The following CALN1 variants were observed in gnomAD, a reference collection of about 807,000 sequenced individuals.
CALN1 encodes the protein calneuron 1.
A neutral mutation model predicts 30.6 loss-of-function variants in CALN1; 17 were observed. The observed-to-expected ratio is 0.56, with a 90% CI of 0.38 to 0.83. CALN1 has a LOEUF of 0.83. Among genes scored for constraint, CALN1 ranks in the 40% least tolerant of loss-of-function variants. The probability of loss-of-function intolerance (pLI) is 0.00; values close to 1 mark genes in which losing one functional copy is unlikely to be tolerated. For synonymous variants in CALN1, 156 were observed against 131.4 expected (o/e 1.19, Z -1.28); for missense variants, 291 against 354.9 (o/e 0.82, Z 1.45).
intron 5 of CALN1, among the ~76,000 whole-genome samples, chr7:71,891,319 A>G (rs1411581460): frequency 6.6e-6 from 1 of 152,188 alleles, no homozygotes; most frequent in African/African-American, 2.4e-5. Context: ...AAGATTCTGG[A>G]TACCTGCTTC....
intron 1 of CALN1, among the ~76,000 whole-genome samples, chr7:72,444,003 T>G (rs1037358027): frequency 2.7e-5 from 4 of 147,140 alleles, no homozygotes; most frequent in African/African-American, 1.0e-4. Flanking sequence ...AGACTCTGTC[T>G]CAAAAACTAA....
At chr7:72,116,544 G>A (rs1361445060) in intron 3 of CALN1, among the ~76,000 whole-genome samples, 2 of 152,198 alleles carry the variant, frequency 1.3e-5, no homozygotes, top group African/African-American at 4.8e-5. Flanking sequence ...TACGGAAGCA[G>A]GAGGGGACTG....
intron 5 of CALN1, among the ~76,000 whole-genome samples, chr7:71,857,886 C>T (rs1196041937): frequency 7.9e-5 from 12 of 152,174 alleles, no homozygotes; most frequent in African/African-American, 9.7e-5. Flanking sequence ...GGCCACATCA[C>T]GTTCCTGGGA....
chr7:71,954,084 G>T (rs1365531975), intron 5 of CALN1, among the ~76,000 whole-genome samples: 1 of 152,242 alleles, frequency 6.6e-6, no homozygotes, highest in Non-Finnish European at 1.5e-5. Context: ...AGCACTTTGG[G>T]AGGCTGAGGC....
intron 3 of CALN1, among the ~76,000 whole-genome samples, chr7:72,273,229 C>T (rs1585324633): frequency 6.6e-6 from 1 of 151,978 alleles, no homozygotes; most frequent in Non-Finnish European, 1.5e-5. Flanking sequence ...GTCAGGAGTT[C>T]GAGACCAGCC....
At chr7:71,927,873 G>A (rs1317295954) in intron 5 of CALN1, among the ~76,000 whole-genome samples, 2 of 152,160 alleles carry the variant, frequency 1.3e-5, no homozygotes, top group Non-Finnish European at 2.9e-5. Flanking sequence ...GAACGGGAGA[G>A]TTTCTTGCTC....
At chr7:71,916,510 T>A (rs1439384426) in intron 5 of CALN1, among the ~76,000 whole-genome samples, 1 of 152,114 alleles carries the variant, frequency 6.6e-6, no homozygotes, top group African/African-American at 2.4e-5. Flanking sequence ...TGAGATCATG[T>A]CCTTGCCAGG....
At chr7:71,887,504 G>C (rs1298532076) in intron 5 of CALN1, among the ~76,000 whole-genome samples, 1 of 152,028 alleles carries the variant, frequency 6.6e-6, no homozygotes, top group African/African-American at 2.4e-5. Context: ...CATGTTGGTG[G>C]TCAGGCTAGT....
chr7:71,929,096 G>A (rs970810360), intron 5 of CALN1, among the ~76,000 whole-genome samples: 1 of 152,120 alleles, frequency 6.6e-6, no homozygotes, highest in African/African-American at 2.4e-5. Flanking sequence ...ATTGTAGCAT[G>A]TAACAGAATT....
At position 72,188,975 on chromosome 7, in the gene CALN1, A is replaced by C. The variant is rs544890448; in HGVS notation, c.245-82681T>G. 8.5e-5 allele frequency among the ~76,000 whole-genome samples: 13 copies of C among 152,246 alleles called. No homozygotes were observed. The East Asian group carries it at 2.5e-3, about 29-fold the overall frequency. On this transcript the variant is annotated intron_variant, in intron 3 of 6. Coordinates refer to ENST00000395275, the MANE Select transcript of CALN1 (RefSeq NM_031468.4). ...CTAAGAGGGACTAAGCCTTCCTCCT[A>C]CGAGGACTCTCCCTGCCTTCAGAAC...
chr7:72,394,613 T>C (rs917126159), intron 2 of CALN1, among the ~76,000 whole-genome samples: 1 of 151,850 alleles, frequency 6.6e-6, no homozygotes, highest in Non-Finnish European at 1.5e-5. Context: ...TTGATGTATA[T>C]ATGCTTATTT....
intron 5 of CALN1, among the ~76,000 whole-genome samples, chr7:71,843,361 G>C (rs920306217): frequency 5.9e-5 from 9 of 152,136 alleles, no homozygotes; most frequent in Non-Finnish European, 1.2e-4. Context: ...GCTCATGCCT[G>C]TAATCCTAGC....
At chr7:72,238,891 A>G (rs933890847) in intron 3 of CALN1, among the ~76,000 whole-genome samples, 1 of 152,144 alleles carries the variant, frequency 6.6e-6, no homozygotes, top group Non-Finnish European at 1.5e-5. Flanking sequence ...GTGTCATAGA[A>G]AAAGAAAAGA....
At chr7:72,057,929 C>T (rs142874665) in intron 4 of CALN1, among the ~76,000 whole-genome samples, 11 of 152,276 alleles carry the variant, frequency 7.2e-5, no homozygotes, top group Middle Eastern at 3.4e-3. Context: ...TTCTGGCAAG[C>T]GAATACTGCA....
At chr7:72,367,594 C>A (rs1803950104) in intron 2 of CALN1, among the ~76,000 whole-genome samples, 1 of 149,246 alleles carries the variant, frequency 6.7e-6, no homozygotes, top group African/African-American at 2.4e-5. Flanking sequence ...TGCCACACTC[C>A]AGCCTGGATG....
chr7:71,796,363 T>C (rs1166917844), intron 6 of CALN1, among the ~76,000 whole-genome samples: 3 of 148,916 alleles, frequency 2.0e-5, no homozygotes, highest in Non-Finnish European at 3.0e-5. Flanking sequence ...TCTTTCTTTT[T>C]TTTTTTTTTT....
At chr7:72,256,651 C>T (rs763306152) in intron 3 of CALN1, among the ~76,000 whole-genome samples, 27 of 151,636 alleles carry the variant, frequency 1.8e-4, no homozygotes, top group Non-Finnish European at 3.5e-4. Context: ...CTGTCACCCA[C>T]GCTGGAACAC....
chr7:71,849,338 G>C (rs1446168672), intron 5 of CALN1, among the ~76,000 whole-genome samples: 4 of 151,758 alleles, frequency 2.6e-5, no homozygotes, highest in Non-Finnish European at 5.9e-5. Flanking sequence ...CCATTCCATT[G>C]ATCTAGACTC....
the CALN1 span, among the ~76,000 whole-genome samples, chr7:72,498,456 A>T: frequency 1.3e-5 from 2 of 152,254 alleles, no homozygotes; most frequent in Admixed American, 1.3e-4. Flanking sequence ...ACATACAAGG[A>T]AGCAATAATA....
Sources: allele counts gnomAD v4.1 joint callset (sites outside exome capture counted in the v4.1 genomes callset), GRCh38; gene constraint gnomAD v4.1.1; transcripts MANE v1.5; gene names NCBI Gene and HGNC (gene_info 2026-07-23, HGNC 2026-07-21).